VPS13B: variants seen among roughly 807,000 people sequenced by gnomAD.
VPS13B encodes the protein vacuolar protein sorting 13 homolog B.
VPS13B carries 285 observed loss-of-function variants against 426.4 expected under a neutral mutation model. That is an observed-to-expected ratio of 0.67 (90% confidence interval 0.61 to 0.74). VPS13B has a LOEUF of 0.74. VPS13B is among the 30% of genes least tolerant of loss of function. The pLI, the probability that VPS13B is intolerant of heterozygous loss-of-function variation, is 0.00. For synonymous variants in VPS13B, 1,676 were observed against 1,676.4 expected, an observed-to-expected ratio of 1.00 and a Z score of 0.01; for missense variants, 4,537 against 4,782.6, an observed-to-expected ratio of 0.95 and a Z score of 1.51.
chr8:99,846,846 A>T (rs1004684671), intron 54 of VPS13B, among the ~76,000 whole-genome samples: 1 of 152,236 alleles, frequency 6.6e-6, no homozygotes, highest in African/African-American at 2.4e-5. Flanking sequence ...AGAGAACAGT[A>T]AATATTTCTC....
intron 39 of VPS13B, among the ~76,000 whole-genome samples, chr8:99,747,643 T>C (rs1321894338): frequency 6.6e-6 from 1 of 152,140 alleles, no homozygotes; most frequent in African/African-American, 2.4e-5. Flanking sequence ...AAAATGTTTA[T>C]ACTTTTTAAC....
Position 99,817,778 on chromosome 8 carries a change from C to A in VPS13B, c.8336C>A (p.Ala2779Asp). Residue 2779 changes from alanine (A) to aspartate (D), a missense_variant, in exon 45 of 62, where the codon GCC becomes GAC. Coordinates refer to ENST00000357162, the MANE Select transcript of VPS13B (RefSeq NM_152564.5). ...AGAGATGTGTGCCTGGAATCCAAAG[C>A]CCCTGAGTACAGCATTGTCATTCAG... ...WSRDVCLESKAPEYSIVIQVP... is the reference protein window; with the variant it reads ...WSRDVCLESKDPEYSIVIQVP... 6.2e-7 allele frequency: 1 copy of A among 1,614,038 alleles called. No individual in the cohort carries two copies. The highest frequency in any genetic ancestry group is 1.1e-5 in the South Asian group (1 of 91,082).
intron 17 of VPS13B, chr8:99,241,393 A>G (rs1448023891): frequency 2.0e-5 from 3 of 152,180 alleles, no homozygotes; most frequent in African/African-American, 7.2e-5. Context: ...AATGATATAT[A>G]TTCTCTTTTG....
intron 19 of VPS13B, among the ~76,000 whole-genome samples, chr8:99,316,853 T>C (rs539437914): frequency 7.2e-5 from 11 of 152,226 alleles, no homozygotes; most frequent in African/African-American, 2.7e-4. Context: ...TATTTCCTGT[T>C]ATACCAGTAG....
chr8:99,533,899 C>T (rs1412484730), intron 30 of VPS13B, among the ~76,000 whole-genome samples: 1 of 152,168 alleles, frequency 6.6e-6, no homozygotes, highest in African/African-American at 2.4e-5. Flanking sequence ...CCCCACAAAA[C>T]TGTTTCCTCC....
intron 30 of VPS13B, among the ~76,000 whole-genome samples, chr8:99,527,239 T>G (rs537674840): frequency 6.6e-6 from 1 of 152,176 alleles, no homozygotes; most frequent in South Asian, 2.1e-4. Flanking sequence ...AATCTGTGAC[T>G]GAGAAAATGT....
In VPS13B at chr8:99,244,619, A is replaced by G. The variant is rs1588169659; in HGVS notation, c.2516-29579A>G. On this transcript the variant is annotated intron_variant, in intron 17 of 61. Transcript: ENST00000357162. ...ACATTTTCGCCTTGGAGTTATTCGG[A>G]TAAGAATGTGAAAGATATCTGAATC... Among the ~76,000 whole-genome samples, 7 of 152,340 alleles carry G rather than the reference A, an allele frequency of 4.6e-5. No individual in the cohort carries two copies. The South Asian group carries it at 1.2e-3, about 27-fold the overall frequency.
At chr8:99,069,548 G>A (rs1442430618) in intron 3 of VPS13B, among the ~76,000 whole-genome samples, 2 of 152,142 alleles carry the variant, frequency 1.3e-5, no homozygotes, top group Non-Finnish European at 2.9e-5. Flanking sequence ...ATATATATGT[G>A]CACATACATT....
chr8:99,822,427 G>T (rs138645139), intron 50 of VPS13B, among the ~76,000 whole-genome samples: 1 of 152,204 alleles, frequency 6.6e-6, no homozygotes, highest in Non-Finnish European at 1.5e-5. Flanking sequence ...ATGCTCTGAC[G>T]GCCAAAGTAC....
chr8:99,400,060 G>C (rs1814951451), intron 21 of VPS13B, among the ~76,000 whole-genome samples: 1 of 152,068 alleles, frequency 6.6e-6, no homozygotes, highest in Non-Finnish European at 1.5e-5. Context: ...ATGTGTTCAA[G>C]TTTTGCTTTC....
chr8:99,871,163 GA>G, intron 60 of VPS13B: 1 of 601,710 alleles, frequency 1.7e-6, no homozygotes, highest in South Asian at 2.0e-5. Flanking sequence ...GAGGGCCTGA[GA>G]TTCCCTGTGG....
In VPS13B at chr8:99,050,059, G is replaced by C. The variant is rs572086824; in HGVS notation, c.291+11493G>C. 1.5e-4 allele frequency among the ~76,000 whole-genome samples: 22 copies of C among 151,112 alleles called. No homozygotes were observed. In the South Asian group the frequency reaches 4.4e-3, roughly 30 times the overall value. ...TTATCTTTTTTAAATTATACTTTGA[G>C]TTTTAGGGTACACGTGCACAACGTG... On this transcript the variant is annotated intron_variant, in intron 3 of 61. Transcript: ENST00000357162.
chr8:99,259,117 G>A (rs1397570244), intron 17 of VPS13B, among the ~76,000 whole-genome samples: 1 of 151,996 alleles, frequency 6.6e-6, no homozygotes, highest in Admixed American at 6.6e-5. Flanking sequence ...TGATTACTGT[G>A]TGAAGTAGCT....
chr8:99,256,151 T>G (rs1817732759), intron 17 of VPS13B, among the ~76,000 whole-genome samples: 1 of 152,160 alleles, frequency 6.6e-6, no homozygotes, highest in Admixed American at 6.5e-5. Context: ...CCATTGGCCT[T>G]TCTGGGTTGC....
chr8:99,805,165 A>G lies in VPS13B; in HGVS notation c.7942-4210A>G, dbSNP rs142270326. 2.0e-5 allele frequency among the ~76,000 whole-genome samples: 3 copies of G among 151,558 alleles called. No homozygotes were observed. The East Asian group carries it at 5.8e-4, about 29-fold the overall frequency. On this transcript the variant is annotated intron_variant, in intron 43 of 61. Coordinates refer to ENST00000357162, the MANE Select transcript of VPS13B (RefSeq NM_152564.5). The stretch of plus-strand genomic sequence containing the variant: ...TACAATGAATACAATGGATTGGGAC[A>G]TTTTTTGAAGTTGTTTAAATCTCCA...
At chr8:99,271,567 G>A (rs1004266832) in intron 17 of VPS13B, among the ~76,000 whole-genome samples, 1 of 152,160 alleles carries the variant, frequency 6.6e-6, no homozygotes, top group African/African-American at 2.4e-5. Context: ...CCGAGTATTA[G>A]TCCGTTCGCA....
At chr8:99,276,402 A>T (rs1818896721) in intron 19 of VPS13B, among the ~76,000 whole-genome samples, 1 of 152,128 alleles carries the variant, frequency 6.6e-6, no homozygotes, top group South Asian at 2.1e-4. Context: ...ATGGCTCCAG[A>T]TCCAAAGTAG....
In VPS13B at chr8:99,575,686, A is replaced by G. The variant is rs1161325865; in HGVS notation, c.4978A>G (p.Ile1660Val). ...ACGGCGGCATCAAGAAAGGAGAGCAATTTTGACCCCCGTTTTGACAGATTT... is the reference window on the plus strand; with the variant it reads ...ACGGCGGCATCAAGAAAGGAGAGCAGTTTTGACCCCCGTTTTGACAGATTT... ...SIRRHQERRA[I>V]LTPVLTDFSV... The change falls in exon 32 of 62, where the codon ATT (isoleucine) becomes GTT (valine). Residue 1660 changes from isoleucine to valine, a missense_variant. Transcript: ENST00000357162. The G allele has an allele frequency of 6.2e-7, 1 of 1,613,920 alleles. No homozygotes were observed.
intron 19 of VPS13B, among the ~76,000 whole-genome samples, chr8:99,286,262 T>C (rs1471527755): frequency 6.6e-6 from 1 of 152,214 alleles, no homozygotes; most frequent in Admixed American, 6.5e-5. Flanking sequence ...CGCAGGTACA[T>C]ATTTCATTTC....
Sources: allele counts gnomAD v4.1 joint callset (sites outside exome capture counted in the v4.1 genomes callset), GRCh38; gene constraint gnomAD v4.1.1; transcripts MANE v1.5; gene names NCBI Gene and HGNC (gene_info 2026-07-23, HGNC 2026-07-21).